ENTPD4: variants seen among roughly 807,000 people sequenced by gnomAD.
The protein encoded by ENTPD4 is ectonucleoside triphosphate diphosphohydrolase 4, also known as Golgi UDPase.
A neutral mutation model predicts 79.1 loss-of-function variants in ENTPD4; 60 were observed. That is an observed-to-expected ratio of 0.76 (90% confidence interval 0.62 to 0.94). ENTPD4 has a LOEUF of 0.94. Among genes scored for constraint, ENTPD4 ranks in the 40% least tolerant of loss-of-function variants. The pLI is 0.00. For missense variants in ENTPD4, 772 were observed against 775.1 expected, an observed-to-expected ratio of 1.00 and a Z score of 0.05; for synonymous variants, 276 against 292.0, an observed-to-expected ratio of 0.95 and a Z score of 0.56.
At chr8:23,456,955 G>A (rs1193991819) in intron 1 of ENTPD4, among the ~76,000 whole-genome samples, 1 of 152,148 alleles carries the variant, frequency 6.6e-6, no homozygotes, top group African/African-American at 2.4e-5. Flanking sequence ...TCTGCACTAG[G>A]GTTCATCTAA....
chr8:23,439,149 CTGTTT>C (rs1800624625), intron 9 of ENTPD4, among the ~76,000 whole-genome samples: 1 of 152,074 alleles, frequency 6.6e-6, no homozygotes, highest in Non-Finnish European at 1.5e-5. Flanking sequence ...CAATAGAGTG[CTGTTT>C]TGTTTTATAT....
At chr8:23,439,557 T>C (rs1329804552) in intron 9 of ENTPD4, among the ~76,000 whole-genome samples, 192 bp downstream of exon 9, 1 of 152,196 alleles carries the variant, frequency 6.6e-6, no homozygotes, top group African/African-American at 2.4e-5. Context: ...CAGGGCACGG[T>C]GGGACAGAGG....
chr8:23,444,502 G>C lies in ENTPD4; in HGVS notation c.517C>G (p.Pro173Ala). Residue 173 changes from proline to alanine, a missense_variant, in exon 5 of 13, where the codon CCT (proline) becomes GCT (alanine). Pro to Ala is a conservative substitution (Grantham distance 27). Coordinates refer to ENST00000358689, the MANE Select transcript of ENTPD4 (RefSeq NM_004901.5). ...CCAGCCGTGCAGAGAATGTAGAGAGGTGTCTCTTTGTGTTTTGCCCGTGGC... is the reference window on the plus strand; with the variant it reads ...CCAGCCGTGCAGAGAATGTAGAGAGCTGTCTCTTTGTGTTTTGCCCGTGGC... ...HVPRAKHKET[P>A]LYILCTAGMR... 1 of 1,614,158 alleles carries C rather than the reference G, an allele frequency of 6.2e-7. No individual in the cohort carries two copies. The highest frequency in any genetic ancestry group is 1.1e-5 in the South Asian group (1 of 91,086).
rs1800479456 is a variant in ENTPD4, at chr8:23,432,801, A to G, written c.*125T>C. On this transcript the variant is annotated 3_prime_UTR_variant, in exon 13 of 13. Transcript: ENST00000358689. ...GCGTGAGCCACCGCGCTCGGCCTGCATTTTGTTTTTGTTTGGAGGAACAAA... is the reference window on the plus strand; with the variant it reads ...GCGTGAGCCACCGCGCTCGGCCTGCGTTTTGTTTTTGTTTGGAGGAACAAA... 2.1e-6 allele frequency: 3 copies of G among 1,442,804 alleles called. No individual in the cohort carries two copies. Among genetic ancestry groups the G allele is most frequent in the Non-Finnish European group, 2.7e-6 (3 of 1,101,132 alleles). The allele number at this position is 1,442,804 out of a possible 1,614,324, so 89.4% of individuals were successfully genotyped here. A position where few individuals can be genotyped will look rare whatever the true frequency, so the allele number is the denominator to read the frequency against.
intron 4 of ENTPD4, 66 bp from the exon 5 acceptor site, chr8:23,444,672 G>T: frequency 1.4e-6 from 2 of 1,443,066 alleles, no homozygotes; most frequent in South Asian, 2.4e-5. Flanking sequence ...TGTTTCTTCA[G>T]AGTGGCTAAT....
In ENTPD4 at chr8:23,434,480, T is replaced by C. The variant is rs776384635; in HGVS notation, c.1461-2A>G. The C allele has an allele frequency of 1.1e-5, 18 of 1,613,866 alleles. No individual in the cohort carries two copies. The South Asian group carries it at 1.8e-4, about 16-fold the overall frequency. Reference sequence around the variant, plus strand: ...CAGGCCGATTTGAAGCACTGATACCTACAAACGGCAAGCACAAAGGCAAGT... The same window carrying C: ...CAGGCCGATTTGAAGCACTGATACCCACAAACGGCAAGCACAAAGGCAAGT... On this transcript the variant is annotated splice_acceptor_variant, in intron 11 of 12. Transcript: ENST00000358689. LOFTEE classifies it high-confidence loss of function.
intron 6 of ENTPD4, 140 bp from the exon 7 acceptor site, chr8:23,442,206 C>T: frequency 1.7e-6 from 1 of 603,432 alleles, no homozygotes; most frequent in East Asian, 2.8e-5. Context: ...CACCTTGCTA[C>T]TGATGTTTTT....
At chr8:23,441,374 G>A in intron 8 of ENTPD4, 195 bp downstream of exon 8, 2 of 980,496 alleles carry the variant, frequency 2.0e-6, no homozygotes, top group Non-Finnish European at 2.4e-6. Context: ...CAAACCAGCT[G>A]ATTTCAATGA....
intron 4 of ENTPD4, 89 bp downstream of exon 4, chr8:23,447,591 C>A (rs1800783714): frequency 1.9e-6 from 2 of 1,035,430 alleles, no homozygotes; most frequent in African/African-American, 3.1e-5. Context: ...GACTCAGGGC[C>A]ATGGTGTAGA....
intron 5 of ENTPD4, 124 bp downstream of exon 5, chr8:23,444,332 T>C: frequency 1.1e-6 from 1 of 881,120 alleles, no homozygotes; most frequent in Non-Finnish European, 1.8e-6. Flanking sequence ...GAAGAAAGAA[T>C]TTTGAATATT....
chr8:23,433,528 A>G (rs1224124147), intron 12 of ENTPD4, among the ~76,000 whole-genome samples: 1 of 152,060 alleles, frequency 6.6e-6, no homozygotes, highest in Non-Finnish European at 1.5e-5. Context: ...GAAATGCTCA[A>G]TTAAATGGAG....
intron 2 of ENTPD4, among the ~76,000 whole-genome samples, chr8:23,449,302 G>C (rs1245649222): frequency 6.6e-6 from 1 of 152,172 alleles, no homozygotes; most frequent in Non-Finnish European, 1.5e-5. Context: ...TCGAGTGTAA[G>C]GATGATGAGA....
At position 23,430,954 on chromosome 8, in the gene ENTPD4, AC is replaced by A; in HGVS notation, c.*1971del. 5 of 985,450 alleles carry A rather than the reference AC, an allele frequency of 5.1e-6. No homozygotes were observed. Among genetic ancestry groups the A allele is most frequent in the Non-Finnish European group, 4.8e-6 (4 of 829,946 alleles). 61.0% of individuals were successfully genotyped at this position (985,450 alleles called of 1,614,324 possible). On this transcript the variant is annotated 3_prime_UTR_variant, in exon 13 of 13. Coordinates refer to ENST00000358689, the MANE Select transcript of ENTPD4 (RefSeq NM_004901.5). Reference sequence around the variant, plus strand: ...ACAACTTTGACCACGAAGCGCAAATACGATGCAGGTAAATCCAGAGGCAGAG... The same window carrying A: ...ACAACTTTGACCACGAAGCGCAAATAGATGCAGGTAAATCCAGAGGCAGAG...
intron 1 of ENTPD4, among the ~76,000 whole-genome samples, chr8:23,450,692 G>A (rs1011475343): frequency 6.6e-5 from 10 of 152,180 alleles, no homozygotes; most frequent in Admixed American, 5.2e-4. Flanking sequence ...TATGTTTCCA[G>A]GCTCTCTGTC....
chr8:23,429,668 G>T lies in ENTPD4; in HGVS notation c.*3258C>A. On this transcript the variant is annotated 3_prime_UTR_variant, in exon 13 of 13. Transcript: ENST00000358689. ...TGTTTATCCAGAGTTTGTTAATCTA[G>T]AGTACACAGATGTGGAAAACTGGTG... 1.0e-6 allele frequency: 1 copy of T among 985,384 alleles called. No individual in the cohort carries two copies. 61.0% of individuals were successfully genotyped at this position (985,384 alleles called of 1,614,324 possible). A position where few individuals can be genotyped will look rare whatever the true frequency, so the allele number is the denominator to read the frequency against.
chr8:23,446,685 AAGG>A (rs1350846417), intron 4 of ENTPD4, among the ~76,000 whole-genome samples: 2 of 152,120 alleles, frequency 1.3e-5, no homozygotes, highest in Non-Finnish European at 2.9e-5. Context: ...GGGCTGCCTG[AAGG>A]AGGAGGTGGG....
intron 1 of ENTPD4, among the ~76,000 whole-genome samples, chr8:23,453,681 G>A (rs1800904296): frequency 6.6e-6 from 1 of 152,198 alleles, no homozygotes; most frequent in African/African-American, 2.4e-5. Flanking sequence ...ACTGCTGTGA[G>A]ACTCTGGACA....
In ENTPD4 at chr8:23,432,790, G is replaced by A. The variant is rs61390254; in HGVS notation, c.*136C>T. ...TGGGATTACAGGCGTGAGCCACCGC[G>A]CTCGGCCTGCATTTTGTTTTTGTTT... On this transcript the variant is annotated 3_prime_UTR_variant, in exon 13 of 13. Transcript: ENST00000358689. 55,713 of 1,437,174 alleles carry A rather than the reference G, an allele frequency of 0.039. 1,456 individuals carry two copies. The highest frequency in any genetic ancestry group is 0.1 in the African/African-American group (7,026 of 69,752). 89.0% of individuals were successfully genotyped at this position (1,437,174 alleles called of 1,614,324 possible).
Position 23,432,083 on chromosome 8 carries a change from A to G in ENTPD4, c.*843T>C, listed in dbSNP as rs1800464798. 2.0e-6 allele frequency: 2 copies of G among 985,342 alleles called. No homozygotes were observed. The highest frequency in any genetic ancestry group is 9.4e-5 in the South Asian group (2 of 21,280). The allele number at this position is 985,342 out of a possible 1,614,324, so 61.0% of individuals were successfully genotyped here. A position where few individuals can be genotyped will look rare whatever the true frequency, so the allele number is the denominator to read the frequency against. On this transcript the variant is annotated 3_prime_UTR_variant, in exon 13 of 13. Coordinates refer to ENST00000358689, the MANE Select transcript of ENTPD4 (RefSeq NM_004901.5). ...TATAAATGGTTATCTCCTGGTGCCC[A>G]TGTTTCTCTGTTTTGGATATAAATG... is the stretch of plus-strand genomic sequence containing the variant.
Sources: allele counts gnomAD v4.1 joint callset (sites outside exome capture counted in the v4.1 genomes callset), GRCh38; gene constraint gnomAD v4.1.1; transcripts MANE v1.5; gene names NCBI Gene and HGNC (gene_info 2026-07-23, HGNC 2026-07-21).